Variants in NKAIN2 observed in about 807,000 individuals in gnomAD.
The protein encoded by NKAIN2 is sodium/potassium transporting ATPase interacting 2, also known as sodium/potassium-transporting ATPase subunit beta-1-interacting protein 2.
Under a neutral mutation model 32.6 loss-of-function variants are expected in NKAIN2, and 14 were observed. The observed-to-expected ratio is 0.43, with a 90% CI of 0.28 to 0.67. The LOEUF (loss-of-function observed/expected upper bound fraction) is 0.67, where lower values mean the gene tolerates loss of function less well. Ranked by LOEUF, NKAIN2 falls within the 30% of genes least tolerant of loss-of-function variation. The pLI, the probability that NKAIN2 is intolerant of heterozygous loss-of-function variation, is 0.17. For synonymous variants in NKAIN2, 80 were observed against 87.2 expected, an observed-to-expected ratio of 0.92 and a Z score of 0.46; for missense variants, 198 against 258.3, an observed-to-expected ratio of 0.77 and a Z score of 1.60.
At chr6:123,998,616 G>A (rs986765981) in intron 1 of NKAIN2, among the ~76,000 whole-genome samples, 6 of 152,036 alleles carry the variant, frequency 3.9e-5, no homozygotes, top group Non-Finnish European at 7.4e-5. Flanking sequence ...GAAGAATGCT[G>A]CTGTGAACAG....
intron 2 of NKAIN2, among the ~76,000 whole-genome samples, chr6:124,290,055 C>CCAA (rs1554278131): frequency 6.7e-6 from 1 of 148,998 alleles, no homozygotes; most frequent in African/African-American, 2.5e-5. Flanking sequence ...AGGGAGAAAA[C>CCAA]AAAAAAAAAC....
At chr6:124,672,542 G>C (rs1417606829) in intron 4 of NKAIN2, among the ~76,000 whole-genome samples, 2 of 151,988 alleles carry the variant, frequency 1.3e-5, no homozygotes, top group African/African-American at 4.8e-5. Flanking sequence ...AAGAACAAAA[G>C]AGGACCATTA....
chr6:124,352,545 G>T (rs1330358871), intron 2 of NKAIN2, among the ~76,000 whole-genome samples: 1 of 152,152 alleles, frequency 6.6e-6, no homozygotes, highest in African/African-American at 2.4e-5. Context: ...CAAATTTTCA[G>T]GAGAGTTTGA....
chr6:124,417,321 A>C (rs1774535422), intron 3 of NKAIN2, among the ~76,000 whole-genome samples: 1 of 152,238 alleles, frequency 6.6e-6, no homozygotes, highest in African/African-American at 2.4e-5. Context: ...GAAAAAATAC[A>C]TTTAAACACT....
chr6:123,818,354 AACACACACAC>A (rs36066775), intron 1 of NKAIN2, among the ~76,000 whole-genome samples: 1,820 of 144,616 alleles, frequency 0.013, 29 homozygotes, highest in African/African-American at 0.026. Context: ...TTCTTGTGGA[AACACACACAC>A]ACACACACAC....
Position 123,906,380 on chromosome 6 carries a change from T to A in NKAIN2, c.54+102126T>A, listed in dbSNP as rs372486265. Among the ~76,000 whole-genome samples the A allele has an allele frequency of 3.0e-4, 45 of 152,200 alleles. 1 individual carries two copies. The highest frequency in any genetic ancestry group is 1.1e-3 in the African/African-American group (44 of 41,518). ...TCACTGGCTCACTGCGGTCTCGACT[T>A]CCTGGGCTCAGATAATTCTCCCACC... On this transcript the variant is annotated intron_variant, in intron 1 of 6. Transcript: ENST00000368417.
intron 4 of NKAIN2, among the ~76,000 whole-genome samples, chr6:124,779,371 G>T (rs1583849979): frequency 6.7e-6 from 1 of 149,066 alleles, no homozygotes; most frequent in African/African-American, 2.5e-5. Flanking sequence ...AAGGAAGGAA[G>T]GAAGGAAGGA....
chr6:123,894,283 T>C (rs1273561940), intron 1 of NKAIN2, among the ~76,000 whole-genome samples: 1 of 152,202 alleles, frequency 6.6e-6, no homozygotes, highest in African/African-American at 2.4e-5. Context: ...CGAGTGCCAC[T>C]GTTTGATAGC....
rs564801444 is a variant in NKAIN2, at chr6:124,735,506, A to G, written c.475-55833A>G. On this transcript the variant is annotated intron_variant, in intron 4 of 6. Transcript: ENST00000368417. ...AAGTAGTGGTAGATTGGGAGAAACAAATATAGACATATCTTGTTTTATTGG... is the reference window on the plus strand; with the variant it reads ...AAGTAGTGGTAGATTGGGAGAAACAGATATAGACATATCTTGTTTTATTGG... Among the ~76,000 whole-genome samples the G allele has an allele frequency of 4.2e-4, 64 of 152,036 alleles. No individual in the cohort carries two copies. In the South Asian group the frequency reaches 9.9e-3, roughly 24 times the overall value.
At chr6:124,471,884 T>C (rs1776988551) in intron 3 of NKAIN2, among the ~76,000 whole-genome samples, 1 of 152,166 alleles carries the variant, frequency 6.6e-6, no homozygotes, top group South Asian at 2.1e-4. Flanking sequence ...TACTACTTTA[T>C]TTACATTTTT....
intron 1 of NKAIN2, among the ~76,000 whole-genome samples, chr6:124,105,865 T>C (rs1246907062): frequency 3.3e-5 from 5 of 152,204 alleles, no homozygotes; most frequent in African/African-American, 1.2e-4. Flanking sequence ...GTAACAATGA[T>C]AGCAAACATT....
intron 4 of NKAIN2, among the ~76,000 whole-genome samples, chr6:124,696,137 A>G (rs1409185886): frequency 6.6e-6 from 1 of 152,154 alleles, no homozygotes; most frequent in African/African-American, 2.4e-5. Context: ...GAGAGTCTTC[A>G]GGGAGAAGGT....
At chr6:124,632,285 G>T (rs1329324030) in intron 3 of NKAIN2, among the ~76,000 whole-genome samples, 1 of 152,094 alleles carries the variant, frequency 6.6e-6, no homozygotes, top group African/African-American at 2.4e-5. Context: ...TGATCACTTT[G>T]TATAGACAAA....
chr6:123,937,220 C>G (rs1776553541), intron 1 of NKAIN2, among the ~76,000 whole-genome samples: 1 of 152,122 alleles, frequency 6.6e-6, no homozygotes, highest in African/African-American at 2.4e-5. Flanking sequence ...GGAATCACCT[C>G]TTCTACTCTG....
At chr6:124,186,177 G>T (rs1562409069) in intron 1 of NKAIN2, among the ~76,000 whole-genome samples, 2 of 144,968 alleles carry the variant, frequency 1.4e-5, no homozygotes, top group Non-Finnish European at 3.0e-5. Context: ...GGGAGGGAAA[G>T]AAAGAAAGGA....
At chr6:124,155,544 T>C (rs1787940632) in intron 1 of NKAIN2, among the ~76,000 whole-genome samples, 1 of 151,226 alleles carries the variant, frequency 6.6e-6, no homozygotes. Flanking sequence ...ATGGAAAAAA[T>C]GAGAGTCTTA....
intron 1 of NKAIN2, among the ~76,000 whole-genome samples, chr6:123,929,374 G>A (rs945932413): frequency 6.6e-6 from 1 of 152,038 alleles, no homozygotes; most frequent in African/African-American, 2.4e-5. Context: ...TCACAGAGGA[G>A]AAAGAAGATT....
intron 1 of NKAIN2, among the ~76,000 whole-genome samples, chr6:123,912,167 A>G (rs963303295): frequency 4.6e-5 from 7 of 152,034 alleles, no homozygotes; most frequent in African/African-American, 1.4e-4. Context: ...TATTATTGAC[A>G]TGAATCATGT....
At chr6:124,501,413 A>G (rs973122565) in intron 3 of NKAIN2, among the ~76,000 whole-genome samples, 19 of 152,364 alleles carry the variant, frequency 1.2e-4, no homozygotes, top group African/African-American at 3.1e-4. Flanking sequence ...CAAATAAGTT[A>G]GCTCAAATTA....
Sources: allele counts gnomAD v4.1 joint callset (sites outside exome capture counted in the v4.1 genomes callset), GRCh38; gene constraint gnomAD v4.1.1; transcripts MANE v1.5; gene names NCBI Gene and HGNC (gene_info 2026-07-23, HGNC 2026-07-21).